CCDC3: variants seen among roughly 807,000 people sequenced by gnomAD.
The protein encoded by CCDC3 is coiled-coil domain-containing protein 3.
CCDC3 carries 24 observed loss-of-function variants against 21.4 expected under a neutral mutation model. That is an observed-to-expected ratio of 1.12 (90% CI 0.81 to 1.58). The LOEUF is 1.58. Ranked by LOEUF, CCDC3 falls within the 40% of genes most tolerant of loss-of-function variation. The probability of loss-of-function intolerance (pLI) is 0.00; values close to 1 mark genes in which losing one functional copy is unlikely to be tolerated. For missense variants in CCDC3, 425 were observed against 360.9 expected (o/e 1.18, Z -1.44); for synonymous variants, 186 against 166.0 (o/e 1.12, Z -0.93).
At chr10:12,929,084 A>C (rs1321043135) in intron 2 of CCDC3, among the ~76,000 whole-genome samples, 1 of 152,082 alleles carries the variant, frequency 6.6e-6, no homozygotes, top group Non-Finnish European at 1.5e-5. Context: ...CAAGATGGTG[A>C]AACCCCTCCT....
intron 2 of CCDC3, among the ~76,000 whole-genome samples, chr10:12,949,687 T>C (rs538268317): frequency 3.9e-5 from 6 of 152,330 alleles, no homozygotes; most frequent in African/African-American, 1.4e-4. Flanking sequence ...CCTAAATCAA[T>C]GTAAGTAATA....
intron 5 of CCDC3, among the ~76,000 whole-genome samples, chr10:13,044,994 T>C (rs565818858): frequency 2.0e-5 from 3 of 152,196 alleles, no homozygotes; most frequent in Non-Finnish European, 4.4e-5. Flanking sequence ...TCTAACAATG[T>C]TTCCCATGGA....
intron 2 of CCDC3, among the ~76,000 whole-genome samples, chr10:12,963,223 A>G (rs193193729): frequency 4.9e-4 from 75 of 152,354 alleles, no homozygotes; most frequent in Admixed American, 1.7e-3. Context: ...GATACAGACT[A>G]TGACCAAACA....
chr10:13,032,344 A>G (rs1197281274), intron 5 of CCDC3, among the ~76,000 whole-genome samples: 1 of 152,232 alleles, frequency 6.6e-6, no homozygotes, highest in Non-Finnish European at 1.5e-5. Context: ...CGTATCTCAA[A>G]ATAATAAGAG....
intron 5 of CCDC3, among the ~76,000 whole-genome samples, chr10:13,016,094 G>A (rs1469893498): frequency 1.3e-5 from 2 of 151,624 alleles, no homozygotes; most frequent in Non-Finnish European, 2.9e-5. Flanking sequence ...CCCACAAAAA[G>A]TTAAACATTA....
intron 2 of CCDC3, among the ~76,000 whole-genome samples, chr10:12,983,157 T>C (rs868578103): frequency 0.032 from 2,167 of 68,534 alleles, 120 homozygotes; most frequent in African/African-American, 0.092. Context: ...TATATATATA[T>C]ATATATATAT....
At chr10:12,996,437 G>A (rs1435740484) in intron 2 of CCDC3, among the ~76,000 whole-genome samples, 1 of 152,086 alleles carries the variant, frequency 6.6e-6, no homozygotes, top group Non-Finnish European at 1.5e-5. Context: ...CTGAGTTCAA[G>A]CGATTTTCCT....
intron 5 of CCDC3, among the ~76,000 whole-genome samples, chr10:13,039,112 T>TCC (rs1030771050): frequency 6.6e-6 from 1 of 152,158 alleles, no homozygotes; most frequent in Non-Finnish European, 1.5e-5. Context: ...CATCTATCCA[T>TCC]CCCTCTTCTA....
At chr10:12,936,771 G>C (rs966729889) in intron 2 of CCDC3, among the ~76,000 whole-genome samples, 4 of 152,304 alleles carry the variant, frequency 2.6e-5, no homozygotes, top group Middle Eastern at 6.8e-3. Flanking sequence ...CTATTAGCCA[G>C]ATATGGTGGC....
At chr10:13,050,484 G>A (rs1233067752) in intron 4 of CCDC3, among the ~76,000 whole-genome samples, 2 of 140,450 alleles carry the variant, frequency 1.4e-5, no homozygotes, top group East Asian at 2.0e-4. Flanking sequence ...TTTTTGAGAC[G>A]GAGTCTCGCC....
At chr10:12,979,599 C>T (rs530959334) in intron 2 of CCDC3, among the ~76,000 whole-genome samples, 7 of 151,934 alleles carry the variant, frequency 4.6e-5, no homozygotes, top group Admixed American at 6.6e-5. Context: ...CTCAAACTCC[C>T]GGACTCAAGT....
intron 5 of CCDC3, among the ~76,000 whole-genome samples, chr10:13,017,516 C>CAAAAAAAA (rs60969932): frequency 1.8e-5 from 2 of 111,686 alleles, no homozygotes; most frequent in Admixed American, 9.5e-5. Flanking sequence ...GACTCCATCT[C>CAAAAAAAA]AAAAAAAAAA....
intron 3 of CCDC3, among the ~76,000 whole-genome samples, chr10:13,095,443 G>T (rs1407860741): frequency 6.6e-6 from 1 of 151,414 alleles, no homozygotes; most frequent in Non-Finnish European, 1.5e-5. Context: ...GGGTGGGGGG[G>T]TGGTTTTGGG....
intron 2 of CCDC3, among the ~76,000 whole-genome samples, chr10:12,961,338 AAT>A (rs775851211): frequency 6.6e-6 from 1 of 152,200 alleles, no homozygotes; most frequent in Non-Finnish European, 1.5e-5. Flanking sequence ...TCTTGCCAAA[AAT>A]ATGTCAGGAA....
intron 5 of CCDC3, among the ~76,000 whole-genome samples, chr10:13,012,496 C>T (rs751091111): frequency 2.0e-5 from 3 of 152,052 alleles, no homozygotes; most frequent in African/African-American, 4.8e-5. Flanking sequence ...TATACCATCT[C>T]GCACGAGTCT....
chr10:13,093,078 C>T (rs903447251), intron 3 of CCDC3, among the ~76,000 whole-genome samples: 8 of 149,526 alleles, frequency 5.4e-5, no homozygotes, highest in East Asian at 1.9e-4. Flanking sequence ...CTTTTCAAAC[C>T]GCAAAATCAT....
At chr10:12,901,155 G>A (rs1214830972) in intron 2 of CCDC3, among the ~76,000 whole-genome samples, 2 of 152,212 alleles carry the variant, frequency 1.3e-5, no homozygotes, top group Admixed American at 6.5e-5. Flanking sequence ...AGCCTTTGTT[G>A]AGACTGGATC....
intron 2 of CCDC3, among the ~76,000 whole-genome samples, chr10:12,911,833 C>G (rs1327848086): frequency 6.6e-6 from 1 of 152,136 alleles, no homozygotes; most frequent in Non-Finnish European, 1.5e-5. Flanking sequence ...TCTCTGGTAA[C>G]TGCCATTCTA....
At chr10:13,013,494 T>C (rs975663316) in intron 5 of CCDC3, among the ~76,000 whole-genome samples, 6 of 152,196 alleles carry the variant, frequency 3.9e-5, no homozygotes, top group Admixed American at 3.9e-4. Flanking sequence ...AATGAATAAT[T>C]AGAACAGTTT....
Sources: gnomAD v4.1 joint callset for allele counts (sites outside exome capture counted in the v4.1 genomes callset) on GRCh38, gnomAD v4.1.1 for gene constraint, MANE v1.5 for transcripts, NCBI Gene and HGNC (gene_info 2026-07-23, HGNC 2026-07-21) for gene names.